The following CDS1 variants were observed in gnomAD, a reference collection of about 807,000 sequenced individuals.
CDS1 encodes phosphatidate cytidylyltransferase 1.
CDS1 carries 41 observed loss-of-function variants against 62.1 expected under a neutral mutation model. That is an observed-to-expected ratio of 0.66 (90% CI 0.51 to 0.86). The LOEUF (loss-of-function observed/expected upper bound fraction) is 0.86, where lower values mean the gene tolerates loss of function less well. CDS1 is among the 40% of genes least tolerant of loss of function. The pLI, the probability that CDS1 is intolerant of heterozygous loss-of-function variation, is 0.00. For synonymous variants in CDS1, 185 were observed against 192.6 expected, an observed-to-expected ratio of 0.96 and a Z score of 0.32; for missense variants, 470 against 550.1, an observed-to-expected ratio of 0.85 and a Z score of 1.46.
At chr4:84,620,311 C>T (rs1465481533) in intron 5 of CDS1, among the ~76,000 whole-genome samples, 1 of 149,108 alleles carries the variant, frequency 6.7e-6, no homozygotes. Context: ...CAAGTTCCAC[C>T]TCCCAGGTCC....
chr4:84,609,180 CAAAAAAA>C (rs1230335142), intron 2 of CDS1, among the ~76,000 whole-genome samples: 5 of 91,470 alleles, frequency 5.5e-5, no homozygotes, highest in Admixed American at 4.1e-4. Flanking sequence ...GACTCCGTCT[CAAAAAAA>C]AAAAAAAAAA....
chr4:84,609,283 G>GT (rs759183787), intron 2 of CDS1, 146 bp from the exon 3 acceptor site: 45 of 484,844 alleles, frequency 9.3e-5, no homozygotes, highest in Non-Finnish European at 1.7e-4. Context: ...AATGCTGTTT[G>GT]TTTTTTGTTT....
chr4:84,634,370 C>T (rs1370636848), intron 7 of CDS1, among the ~76,000 whole-genome samples: 1 of 152,132 alleles, frequency 6.6e-6, no homozygotes, highest in Admixed American at 6.5e-5. Flanking sequence ...TTCTACTTTG[C>T]TCCTGTGTAG....
At chr4:84,640,593 A>T (rs1180040014) in intron 9 of CDS1, among the ~76,000 whole-genome samples, 1 of 152,170 alleles carries the variant, frequency 6.6e-6, no homozygotes, top group African/African-American at 2.4e-5. Context: ...AATTGTGATT[A>T]TGCAGAGATT....
intron 1 of CDS1, among the ~76,000 whole-genome samples, chr4:84,603,822 A>G (rs1009269603): frequency 6.6e-6 from 1 of 152,210 alleles, no homozygotes; most frequent in Non-Finnish European, 1.5e-5. Flanking sequence ...ACAAATATAT[A>G]TGAAATGCTA....
intron 10 of CDS1, among the ~76,000 whole-genome samples, chr4:84,642,326 C>CAAA (rs1268824695): frequency 3.4e-5 from 3 of 88,488 alleles, no homozygotes; most frequent in East Asian, 3.4e-4. Context: ...AACTCTGCCT[C>CAAA]AAAAAAAAAA....
chr4:84,635,938 G>T (rs1578050352), intron 8 of CDS1, among the ~76,000 whole-genome samples: 1 of 151,434 alleles, frequency 6.6e-6, no homozygotes, highest in East Asian at 2.0e-4. Context: ...TGTATTTTTG[G>T]TAGAGACAGA....
chr4:84,635,793 G>A (rs1724190538), intron 8 of CDS1, among the ~76,000 whole-genome samples: 1 of 140,466 alleles, frequency 7.1e-6, no homozygotes, highest in Non-Finnish European at 1.5e-5. Flanking sequence ...GTCTTGCTTT[G>A]CCACCCAGGC....
chr4:84,612,446 G>C (rs1723353884), intron 3 of CDS1, among the ~76,000 whole-genome samples: 1 of 152,076 alleles, frequency 6.6e-6, no homozygotes. Context: ...AAACTGAACT[G>C]TTGAGTATAA....
At position 84,643,033 on chromosome 4, in the gene CDS1, A is replaced by G; in HGVS notation, c.1042A>G (p.Ser348Gly). ...TCTTTCTCCTCTTTAGGAAAGAGTG[A>G]GCTTGTACCCTTTCCAGATCCACAG... ...LKAVLRQERV[S>G]LYPFQIHSIA... Residue 348 changes from serine to glycine, a missense_variant, in exon 11 of 13, where the codon AGC becomes GGC. This residue lies in a region of CDS1 where 214 missense variants were observed against 242.4 expected (regional missense o/e 0.88). Coordinates refer to ENST00000295887, the MANE Select transcript of CDS1 (RefSeq NM_001263.4). 1 of 1,602,988 alleles carries G rather than the reference A, an allele frequency of 6.2e-7. No individual in the cohort carries two copies. Among genetic ancestry groups the G allele is most frequent in the Non-Finnish European group, 8.5e-7 (1 of 1,173,258 alleles).
intron 5 of CDS1, among the ~76,000 whole-genome samples, chr4:84,624,217 T>C (rs1272048847): frequency 2.1e-5 from 3 of 142,330 alleles, no homozygotes; most frequent in Admixed American, 7.8e-5. Context: ...GAACTTGCAG[T>C]GAGCCAAGAT....
intron 5 of CDS1, 125 bp from the exon 6 acceptor site, chr4:84,631,694 G>A: frequency 4.1e-6 from 3 of 724,714 alleles, no homozygotes; most frequent in Middle Eastern, 2.9e-4. Context: ...AGGAGAGATG[G>A]CATCTGAGTA....
At chr4:84,613,794 A>C (rs774331156) in intron 3 of CDS1, among the ~76,000 whole-genome samples, 2 of 152,206 alleles carry the variant, frequency 1.3e-5, no homozygotes, top group Non-Finnish European at 2.9e-5. Context: ...GTGAACATAT[A>C]GAAGATATTG....
intron 12 of CDS1, among the ~76,000 whole-genome samples, chr4:84,647,369 T>TA (rs559188055): frequency 3.3e-5 from 5 of 149,958 alleles, no homozygotes; most frequent in Admixed American, 6.7e-5. Context: ...ATGCTTTCTT[T>TA]AAAAAAAAAA....
chr4:84,640,788 T>C (rs376939764), intron 9 of CDS1, 50 bp from the exon 10 acceptor site: 42 of 1,420,406 alleles, frequency 3.0e-5, no homozygotes, highest in African/African-American at 1.9e-4. Flanking sequence ...CAATGTGTTA[T>C]GAACTTTTGC....
intron 1 of CDS1, among the ~76,000 whole-genome samples, chr4:84,587,763 A>G (rs1722464533): frequency 6.6e-6 from 1 of 152,188 alleles, no homozygotes; most frequent in African/African-American, 2.4e-5. Flanking sequence ...AGGGAGACAG[A>G]GTGATTACCT....
intron 12 of CDS1, among the ~76,000 whole-genome samples, chr4:84,646,217 A>G (rs1255723567): frequency 1.3e-5 from 2 of 152,154 alleles, no homozygotes; most frequent in East Asian, 1.9e-4. Context: ...TATATTAACT[A>G]TTTTTGAGAG....
At position 84,649,131 on chromosome 4, in the gene CDS1, C is replaced by T. The variant is rs1341023709; in HGVS notation, c.*445C>T. The T allele has an allele frequency of 6.6e-6, 1 of 152,528 alleles. No homozygotes were observed. The highest frequency in any genetic ancestry group is 2.4e-5 in the African/African-American group (1 of 41,304). The allele number at this position is 152,528 out of a possible 1,614,324, so 9.4% of individuals were successfully genotyped here. A position where few individuals can be genotyped will look rare whatever the true frequency, so the allele number is the denominator to read the frequency against. On this transcript the variant is annotated 3_prime_UTR_variant, in exon 13 of 13. Transcript: ENST00000295887. ...CAAGGCACAATAGGAAGTCAGTTCT[C>T]CTGCACTTCCTCCTCATGTAGTCTG...
chr4:84,643,099 G>A lies in CDS1; in HGVS notation c.1108G>A (p.Gly370Arg). The A allele has an allele frequency of 6.2e-7, 1 of 1,613,278 alleles. No individual in the cohort carries two copies. The highest frequency in any genetic ancestry group is 8.5e-7 in the Non-Finnish European group (1 of 1,179,532). The change falls in exon 11 of 13, where the codon GGA (glycine) becomes AGA (arginine). Residue 370 changes from glycine to arginine, a missense_variant. Coordinates refer to ENST00000295887, the MANE Select transcript of CDS1 (RefSeq NM_001263.4). ...STFASLIGPF[G>R]GFFASGFKRA... ...CTTTGCATCTTTAATTGGCCCATTT[G>A]GAGGCTTCTTTGCTAGTGGATTCAA...
Sources: gnomAD v4.1 joint callset for allele counts (sites outside exome capture counted in the v4.1 genomes callset) on GRCh38, gnomAD v4.1.1 for gene constraint, gnomAD v4.1.1 regional missense constraint, MANE v1.5 for transcripts, NCBI Gene and HGNC (gene_info 2026-07-23, HGNC 2026-07-21) for gene names.